The following UBR2 variants were observed in gnomAD, a reference collection of about 807,000 sequenced individuals.
The protein encoded by UBR2 is ubiquitin protein ligase E3 component n-recognin 2.
A neutral mutation model predicts 247.9 loss-of-function variants in UBR2; 92 were observed. That is an observed-to-expected ratio of 0.37 (90% confidence interval 0.31 to 0.44). UBR2 has a LOEUF of 0.44. Among genes scored for constraint, UBR2 ranks in the 20% least tolerant of loss-of-function variants. UBR2 has a pLI of 1.00. For missense variants in UBR2, 1,613 were observed against 2,112.6 expected (o/e 0.76, Z 4.64); for synonymous variants, 672 against 693.5 (o/e 0.97, Z 0.49).
chr6:42,628,641 T>C (rs1334997449), intron 11 of UBR2, among the ~76,000 whole-genome samples: 1 of 150,822 alleles, frequency 6.6e-6, no homozygotes, highest in Non-Finnish European at 1.5e-5. Context: ...GAGAATTGCT[T>C]GAACCTGTGA....
chr6:42,659,531 A>C lies in UBR2; in HGVS notation c.3243-125A>C. On this transcript the variant is annotated intron_variant, in intron 29 of 46. Transcript: ENST00000372901. This position sits in a 1 kb window ranked among gnomAD's most constrained non-coding sequence, Gnocchi z 4.3. The stretch of plus-strand genomic sequence containing the variant: ...TAAATAAATATATATACACACACAC[A>C]CACACACACACACACACACACACAC... 1.7e-6 allele frequency: 1 copy of C among 605,852 alleles called. No individual in the cohort carries two copies. The highest frequency in any genetic ancestry group is 3.1e-5 in the East Asian group (1 of 32,744). The allele number at this position is 605,852 out of a possible 1,614,324, so 37.5% of individuals were successfully genotyped here.
intron 43 of UBR2, among the ~76,000 whole-genome samples, chr6:42,684,545 C>G (rs1487276181): frequency 2.0e-5 from 3 of 151,398 alleles, no homozygotes; most frequent in Non-Finnish European, 2.9e-5. Flanking sequence ...GATTGCGCCA[C>G]TGCACTCCAG....
intron 2 of UBR2, among the ~76,000 whole-genome samples, chr6:42,582,302 A>C (rs1029060412): frequency 2.6e-4 from 39 of 149,332 alleles, no homozygotes; most frequent in African/African-American, 9.5e-4. Flanking sequence ...AAAAAAAAAA[A>C]ACATTTTAGG....
At chr6:42,614,415 C>CGTACATACATACTTATATATGTAT (rs1554250447) in intron 8 of UBR2, among the ~76,000 whole-genome samples, 5 of 89,222 alleles carry the variant, frequency 5.6e-5, no homozygotes, top group Admixed American at 1.1e-4. Context: ...TATGTATGTA[C>CGTACATACATACTTATATATGTAT]GTACGTACAT....
intron 28 of UBR2, 96 bp from the exon 29 acceptor site, chr6:42,658,549 GT>G: frequency 1.6e-6 from 2 of 1,253,284 alleles, no homozygotes; most frequent in African/African-American, 1.5e-5. Flanking sequence ...TTATAGAATA[GT>G]TTTTTAATTG....
Position 42,659,733 on chromosome 6 carries a change from C to T in UBR2, c.3320C>T (p.Thr1107Ile), listed in dbSNP as rs1421000186. Residue 1107 changes from threonine (T) to isoleucine (I), a missense_variant, in exon 30 of 47, where the codon ACA becomes ATA. Coordinates refer to ENST00000372901, the MANE Select transcript of UBR2 (RefSeq NM_001363705.2). The surrounding 1 kb of genome is among the most constrained non-coding windows in gnomAD (Gnocchi z 4.3). ...GTTCCTGAACAAAGACAATTCGTTACATGTATATTGTGTCAAGAGGAGCAA... is the reference window on the plus strand; with the variant it reads ...GTTCCTGAACAAAGACAATTCGTTATATGTATATTGTGTCAAGAGGAGCAA... ...TQVPEQRQFV[T>I]CILCQEEQEV... 2 of 1,614,054 alleles carry T rather than the reference C, an allele frequency of 1.2e-6. No individual in the cohort carries two copies. Among genetic ancestry groups the T allele is most frequent in the South Asian group, 1.1e-5 (1 of 91,084 alleles).
intron 15 of UBR2, among the ~76,000 whole-genome samples, chr6:42,638,858 A>G (rs1223093422): frequency 6.6e-6 from 1 of 152,106 alleles, no homozygotes; most frequent in Admixed American, 6.5e-5. Flanking sequence ...AAAAAAAAAA[A>G]GTCTAATTTT....
At chr6:42,630,287 C>T (rs948384504) in intron 11 of UBR2, among the ~76,000 whole-genome samples, 8 of 151,508 alleles carry the variant, frequency 5.3e-5, no homozygotes, top group South Asian at 4.2e-4. Flanking sequence ...TGAGTTCAAG[C>T]GGTTCTCCTG....
rs922301459 is a variant in UBR2 at position 42,631,092 on chromosome 6, C to T, written c.1282-1460C>T. On this transcript the variant is annotated intron_variant, in intron 11 of 46. Coordinates refer to ENST00000372901, the MANE Select transcript of UBR2 (RefSeq NM_001363705.2). ...GTGCTGGCGTTACAGACGTGAGCTA[C>T]TGCACCTGGCCTTGTTCTACGTTTT... Among the ~76,000 whole-genome samples the T allele has an allele frequency of 2.1e-4, 32 of 152,218 alleles. 1 individual carries two copies. Among genetic ancestry groups the T allele is most frequent in the Admixed American group, 1.3e-3 (20 of 15,280 alleles).
intron 43 of UBR2, among the ~76,000 whole-genome samples, chr6:42,684,562 C>CG (rs1799253884): frequency 6.7e-6 from 1 of 149,840 alleles, no homozygotes; most frequent in Non-Finnish European, 1.5e-5. Flanking sequence ...CCAGCCTGGG[C>CG]ACAGAGCTAG....
At position 42,564,429 on chromosome 6, in the gene UBR2, C is replaced by G. The variant is rs770006632; in HGVS notation, c.78+32C>G. 12 of 1,595,950 alleles carry G rather than the reference C, an allele frequency of 7.5e-6. No homozygotes were observed. In the South Asian group the frequency reaches 1.4e-4, roughly 18 times the overall value. ...GCCGGAACCCGGGCGGGTGCGTCTGCCCCTCGCAGGCCGCGCCTGTGGGGA... is the reference window on the plus strand; with the variant it reads ...GCCGGAACCCGGGCGGGTGCGTCTGGCCCTCGCAGGCCGCGCCTGTGGGGA... On this transcript the variant is annotated intron_variant, in intron 1 of 46. Coordinates refer to ENST00000372901, the MANE Select transcript of UBR2 (RefSeq NM_001363705.2).
In UBR2 at chr6:42,645,447, AC is replaced by A. The variant is rs1328914462; in HGVS notation, c.2285-18del. ...GATTATGTTAAATGTATGTATATGT[AC>A]TTTTCCATTTTTGACAGGAGAGAGA... On this transcript the variant is annotated intron_variant, in intron 20 of 46. Transcript: ENST00000372901. 1 of 1,609,440 alleles carries A rather than the reference AC, an allele frequency of 6.2e-7. No individual in the cohort carries two copies. The highest frequency in any genetic ancestry group is 8.5e-7 in the Non-Finnish European group (1 of 1,177,414).
intron 1 of UBR2, among the ~76,000 whole-genome samples, chr6:42,565,236 G>A (rs1365265985): frequency 1.3e-5 from 2 of 152,194 alleles, no homozygotes; most frequent in African/African-American, 4.8e-5. Flanking sequence ...GTAAATAGCA[G>A]AGTTGTAGGA....
At chr6:42,600,605 C>G (rs1256796546) in intron 4 of UBR2, among the ~76,000 whole-genome samples, 1 of 131,274 alleles carries the variant, frequency 7.6e-6, no homozygotes, top group African/African-American at 3.1e-5. Context: ...CTAGGCCTGC[C>G]TCAAACTGGG....
chr6:42,644,718 G>A (rs372787965), intron 20 of UBR2, among the ~76,000 whole-genome samples, 182 bp downstream of exon 20: 3 of 152,096 alleles, frequency 2.0e-5, no homozygotes, highest in Non-Finnish European at 4.4e-5. Flanking sequence ...TAATAGCACC[G>A]TGGTGCTTTG....
chr6:42,689,757 G>C lies in UBR2; in HGVS notation c.5126+87G>C. ...GTCCTGAGGGTGGAGGGCTGAGGTG[G>C]TTCTGGAAGAGGTGGCTGTGTTATC... On this transcript the variant is annotated intron_variant, in intron 46 of 46. Coordinates refer to ENST00000372901, the MANE Select transcript of UBR2 (RefSeq NM_001363705.2). This position sits in a 1 kb window ranked among gnomAD's most constrained non-coding sequence, Gnocchi z 4.0. 8.3e-7 allele frequency: 1 copy of C among 1,206,550 alleles called. No individual in the cohort carries two copies. Among genetic ancestry groups the C allele is most frequent in the Non-Finnish European group, 1.2e-6 (1 of 816,402 alleles). 74.7% of individuals were successfully genotyped at this position (1,206,550 alleles called of 1,614,324 possible). A position where few individuals can be genotyped will look rare whatever the true frequency, so the allele number is the denominator to read the frequency against.
rs1441057164 is a variant in UBR2, at chr6:42,665,461, T to G, written c.3751T>G (p.Ser1251Ala). 2 of 1,613,310 alleles carry G rather than the reference T, an allele frequency of 1.2e-6. No homozygotes were observed. The highest frequency in any genetic ancestry group is 1.7e-6 in the Non-Finnish European group (2 of 1,179,610). ...TCTGACTCAGTGGATTAGAACAATA[T>G]CTCAGCAAATAAAAGCATTACAGTT... is the stretch of plus-strand genomic sequence containing the variant. ...PNLTQWIRTI[S>A]QQIKALQFLR... Residue 1251 changes from serine (S) to alanine (A), a missense_variant, in exon 33 of 47, where the codon TCT becomes GCT. This residue lies in a region of UBR2 where 1,524 missense variants were observed against 1,967.3 expected (regional missense o/e 0.77). Transcript: ENST00000372901.
At chr6:42,645,227 CA>C (rs891930312) in intron 20 of UBR2, among the ~76,000 whole-genome samples, 1 of 152,050 alleles carries the variant, frequency 6.6e-6, no homozygotes, top group Admixed American at 6.6e-5. Flanking sequence ...CCCATTCTTT[CA>C]AAACAGCAGA....
chr6:42,584,156 C>T (rs1792099521), intron 2 of UBR2, among the ~76,000 whole-genome samples: 1 of 151,676 alleles, frequency 6.6e-6, no homozygotes, highest in Non-Finnish European at 1.5e-5. Flanking sequence ...ACCACCATGC[C>T]CAGCTAATTT....
Sources: gnomAD v4.1 joint callset for allele counts (sites outside exome capture counted in the v4.1 genomes callset) on GRCh38, gnomAD v4.1.1 for gene constraint, gnomAD v4.1.1 regional missense constraint, Gnocchi (gnomAD v3.1) non-coding constraint, MANE v1.5 for transcripts, NCBI Gene and HGNC (gene_info 2026-07-23, HGNC 2026-07-21) for gene names.